TMEM18: variants seen among roughly 807,000 people sequenced by gnomAD.
The protein encoded by TMEM18 is transmembrane protein 18.
Under a neutral mutation model 17.4 loss-of-function variants are expected in TMEM18, and 14 were observed. The observed-to-expected ratio is 0.80, with a 90% CI of 0.53 to 1.25. The LOEUF is 1.25. Among genes scored for constraint, TMEM18 ranks in the 50% most tolerant of loss-of-function variants. The probability of loss-of-function intolerance (pLI) is 0.00; values close to 1 mark genes in which losing one functional copy is unlikely to be tolerated. For missense variants in TMEM18, 187 were observed against 172.1 expected (o/e 1.09, Z -0.48); for synonymous variants, 86 against 66.1 (o/e 1.30, Z -1.46).
chr2:672,690 G>T, intron 3 of TMEM18, 118 bp downstream of exon 3: 1 of 895,864 alleles, frequency 1.1e-6, no homozygotes, highest in Non-Finnish European at 1.6e-6. Flanking sequence ...ACGGGCACGG[G>T]CTGTGCACAG....
Position 669,745 on chromosome 2 carries a change from T to C in TMEM18, c.327+12A>G, listed in dbSNP as rs1237469718. 1 of 1,613,932 alleles carries C rather than the reference T, an allele frequency of 6.2e-7. No individual in the cohort carries two copies. Among genetic ancestry groups the C allele is most frequent in the South Asian group, 1.1e-5 (1 of 91,074 alleles). On this transcript the variant is annotated intron_variant, in intron 4 of 4. Coordinates refer to ENST00000281017, the MANE Select transcript of TMEM18 (RefSeq NM_152834.4). The stretch of plus-strand genomic sequence containing the variant: ...ACATGAAGAAAGACAACTGAAAGTG[T>C]CATCTACGTACCACAATGATCATGG...
intron 3 of TMEM18, 142 bp downstream of exon 3, chr2:672,666 C>G (rs922574463): frequency 6.3e-6 from 4 of 637,830 alleles, no homozygotes; most frequent in Non-Finnish European, 9.6e-6. Flanking sequence ...CTGGAGCCCA[C>G]CAACCCTGGA....
In TMEM18 at chr2:675,475, G is replaced by C. The variant is rs1678972474; in HGVS notation, c.178+35C>G. ...CATACACAGTTTCATTTCACACAGTGATCTGAGTTGTGGAGTTTGTGTTGT... is the reference window on the plus strand; with the variant it reads ...CATACACAGTTTCATTTCACACAGTCATCTGAGTTGTGGAGTTTGTGTTGT... On this transcript the variant is annotated intron_variant, in intron 2 of 4. Transcript: ENST00000281017. 7 of 1,613,816 alleles carry C rather than the reference G, an allele frequency of 4.3e-6. No individual in the cohort carries two copies. In the South Asian group the frequency reaches 7.7e-5, roughly 18 times the overall value.
intron 1 of TMEM18, 180 bp from the exon 2 acceptor site, chr2:675,810 G>A (rs1678989511): frequency 6.5e-7 from 1 of 1,530,240 alleles, no homozygotes; most frequent in African/African-American, 1.4e-5. Context: ...GACAGGAAAG[G>A]GAGAAGGAAC....
intron 1 of TMEM18, 36 bp downstream of exon 1, chr2:677,252 CT>C (rs915478892): frequency 1.3e-6 from 2 of 1,597,722 alleles, no homozygotes; most frequent in African/African-American, 2.7e-5. Context: ...CTCCGCCGTC[CT>C]CCCCCGAACT....
chr2:665,254 C>T lies in TMEM18; in HGVS notation c.*4326G>A, dbSNP rs1302719513. Among the ~76,000 whole-genome samples the T allele has an allele frequency of 6.6e-6, 1 of 150,754 alleles. No individual in the cohort carries two copies. The highest frequency in any genetic ancestry group is 6.6e-5 in the Admixed American group (1 of 15,176). ...GATAGAGAATCAACCCCATATACAA[C>T]AGGATCCAGAGATGCAGACACCCCA... is the stretch of plus-strand genomic sequence containing the variant. On this transcript the variant is annotated 3_prime_UTR_variant, in exon 5 of 5. Coordinates refer to ENST00000281017, the MANE Select transcript of TMEM18 (RefSeq NM_152834.4).
intron 3 of TMEM18, chr2:670,144 TG>T (rs375724395): frequency 3.9e-4 from 140 of 354,830 alleles, no homozygotes; most frequent in African/African-American, 2.9e-3. Context: ...GCAAGCCCTC[TG>T]GGTCATCAGC....
chr2:669,910 A>ACCGTC, intron 3 of TMEM18, 60 bp from the exon 4 acceptor site: 2 of 1,331,642 alleles, frequency 1.5e-6, no homozygotes, highest in Non-Finnish European at 2.1e-6. Context: ...TTCTAGTGAC[A>ACCGTC]CCGTCTATTT....
rs1424153099 is a variant in TMEM18 at position 665,182 on chromosome 2, C to A, written c.*4398G>T. 1.3e-5 allele frequency among the ~76,000 whole-genome samples: 2 copies of A among 151,900 alleles called. No homozygotes were observed. Among genetic ancestry groups the A allele is most frequent in the African/African-American group, 4.8e-5 (2 of 41,322 alleles). The stretch of plus-strand genomic sequence containing the variant: ...GACGCCCAGCTCAGATGGAGCATCA[C>A]TCCCACATACAACAGAACCCAGAGA... On this transcript the variant is annotated 3_prime_UTR_variant, in exon 5 of 5. Coordinates refer to ENST00000281017, the MANE Select transcript of TMEM18 (RefSeq NM_152834.4).
At chr2:670,396 C>A in intron 3 of TMEM18, 1 of 154,708 alleles carries the variant, frequency 6.5e-6, no homozygotes, top group Non-Finnish European at 1.4e-5. Context: ...CGGAAGATCT[C>A]CACCTGCACA....
At chr2:676,359 T>C in intron 1 of TMEM18, 1 of 1,430,544 alleles carries the variant, frequency 7.0e-7, no homozygotes, top group Admixed American at 2.3e-5. Flanking sequence ...ATCCCCTCCT[T>C]GAGCGCCCTC....
In TMEM18 at chr2:675,493, T is replaced by C. The variant is rs770762639; in HGVS notation, c.178+17A>G. 1 of 1,614,182 alleles carries C rather than the reference T, an allele frequency of 6.2e-7. No individual in the cohort carries two copies. Among genetic ancestry groups the C allele is most frequent in the Admixed American group, 1.7e-5 (1 of 60,024 alleles). The stretch of plus-strand genomic sequence containing the variant: ...ACACAGTGATCTGAGTTGTGGAGTT[T>C]GTGTTGTTTTACTCACCTAGACACA... On this transcript the variant is annotated intron_variant, in intron 2 of 4. Coordinates refer to ENST00000281017, the MANE Select transcript of TMEM18 (RefSeq NM_152834.4).
intron 3 of TMEM18, chr2:670,649 G>A (rs1678817464): frequency 6.6e-6 from 1 of 152,510 alleles, no homozygotes; most frequent in Non-Finnish European, 1.5e-5. Context: ...GGGAGGCCCA[G>A]AAGTAAGAGG....
rs1162353582 is a variant in TMEM18, at chr2:667,301, CATTT to C, written c.*2275_*2278del. 2.6e-5 allele frequency: 4 copies of C among 151,706 alleles called. No individual in the cohort carries two copies. Among genetic ancestry groups the C allele is most frequent in the African/African-American group, 9.7e-5 (4 of 41,364 alleles). The allele number at this position is 151,706 out of a possible 1,614,324, so 9.4% of individuals were successfully genotyped here. A position where few individuals can be genotyped will look rare whatever the true frequency, so the allele number is the denominator to read the frequency against. On this transcript the variant is annotated 3_prime_UTR_variant, in exon 5 of 5. Coordinates refer to ENST00000281017, the MANE Select transcript of TMEM18 (RefSeq NM_152834.4). ...TTACAGTAAGGTGCAAAACAAATAC[CATTT>C]TTTTGAAAAAAACAAAAAAAAATAC...
Position 672,814 on chromosome 2 carries a change from T to C in TMEM18, c.227A>G (p.Asn76Ser). 2.0e-6 allele frequency: 3 copies of C among 1,474,134 alleles called. No homozygotes were observed. Among genetic ancestry groups the C allele is most frequent in the Non-Finnish European group, 2.7e-6 (3 of 1,116,302 alleles). 91.3% of individuals were successfully genotyped at this position (1,474,134 alleles called of 1,614,324 possible). The change falls in exon 3 of 5, where the codon AAC (asparagine) becomes AGC (serine). Residue 76 changes from asparagine (N) to serine (S), a missense_variant. Physicochemically the swap from Asn to Ser is conservative, Grantham distance 46 (BLOSUM62 1). Coordinates refer to ENST00000281017, the MANE Select transcript of TMEM18 (RefSeq NM_152834.4). ...AEYINEAAAM[N>S]WRLFSKYQYF... ...GGCCCGGGGGTGGGCTCACCTCCAG[T>C]TCATCGCAGCCGCCTCATTGATGTA...
Position 669,496 on chromosome 2 carries a change from G to A in TMEM18, c.*84C>T. On this transcript the variant is annotated 3_prime_UTR_variant, in exon 5 of 5. Transcript: ENST00000281017. ...TTTTCAAACCATGAGTCAGCTGGAA[G>A]GATGCCCACGCCACGCACACTGCAG... 1.5e-6 allele frequency: 2 copies of A among 1,334,996 alleles called. No homozygotes were observed. Among genetic ancestry groups the A allele is most frequent in the Non-Finnish European group, 2.1e-6 (2 of 945,536 alleles). 82.7% of individuals were successfully genotyped at this position (1,334,996 alleles called of 1,614,324 possible).
rs1678992406 is a variant in TMEM18 at position 675,922 on chromosome 2, G to A, written c.58-292C>T. ...AAGGCATCTCTGATGTGCTCCTTTC[G>A]TTTGTGGAACAGAATCATGTTTTTA... is the stretch of plus-strand genomic sequence containing the variant. On this transcript the variant is annotated intron_variant, in intron 1 of 4. Transcript: ENST00000281017. 4.9e-6 allele frequency: 7 copies of A among 1,421,718 alleles called. No homozygotes were observed. In the South Asian group the frequency reaches 6.1e-5, roughly 12 times the overall value. The allele number at this position is 1,421,718 out of a possible 1,614,324, so 88.1% of individuals were successfully genotyped here. A position where few individuals can be genotyped will look rare whatever the true frequency, so the allele number is the denominator to read the frequency against.
intron 1 of TMEM18, chr2:676,895 C>T (rs1011370875): frequency 1.7e-6 from 1 of 578,710 alleles, no homozygotes. Flanking sequence ...CCACACAACT[C>T]AGCCACGCCC....
rs1305631448 is a variant in TMEM18, at chr2:665,763, CCA to C, written c.*3815_*3816del. On this transcript the variant is annotated 3_prime_UTR_variant, in exon 5 of 5. Transcript: ENST00000281017. ...CACTCACTCAGATGGAGCATCAACC[CCA>C]CACACAACAGGACCCAGAGATGCAG... Among the ~76,000 whole-genome samples, 2 of 151,422 alleles carry C rather than the reference CCA, an allele frequency of 1.3e-5. No individual in the cohort carries two copies. The highest frequency in any genetic ancestry group is 2.9e-5 in the Non-Finnish European group (2 of 67,966).
Sources: allele counts gnomAD v4.1 joint callset (sites outside exome capture counted in the v4.1 genomes callset), GRCh38; gene constraint gnomAD v4.1.1; transcripts MANE v1.5; gene names NCBI Gene and HGNC (gene_info 2026-07-23, HGNC 2026-07-21).